The following POFUT3 variants were observed in gnomAD, a reference collection of about 807,000 sequenced individuals.
POFUT3 encodes the protein protein O-fucosyltransferase 3.
chr8:33,325,747 T>C, the POFUT3 span, among the ~76,000 whole-genome samples: 1 of 152,208 alleles, frequency 6.6e-6, no homozygotes, highest in Non-Finnish European at 1.5e-5. Context: ...GGATAGTGGA[T>C]GAGAATCTCC....
At chr8:33,426,194 C>T in the POFUT3 span, among the ~76,000 whole-genome samples, 1 of 152,156 alleles carries the variant, frequency 6.6e-6, no homozygotes, top group South Asian at 2.1e-4. Context: ...TGTGAGCCAC[C>T]ATGCCCAGCC....
the POFUT3 span, among the ~76,000 whole-genome samples, chr8:33,449,278 A>ATT: frequency 9.3e-5 from 5 of 53,758 alleles, no homozygotes; most frequent in Non-Finnish European, 1.6e-4. Context: ...ATCCGAGTTG[A>ATT]TTTTTTTTTT....
chr8:33,328,375 C>CAAAAACA, the POFUT3 span, among the ~76,000 whole-genome samples: 208 of 140,350 alleles, frequency 1.5e-3, 1 homozygote, highest in African/African-American at 5.4e-3. Flanking sequence ...AAAACAAAAA[C>CAAAAACA]AAAAACAAAA....
the POFUT3 span, among the ~76,000 whole-genome samples, chr8:33,382,021 A>G: frequency 6.6e-6 from 1 of 152,188 alleles, no homozygotes; most frequent in South Asian, 2.1e-4. Context: ...GGCTGGGCAT[A>G]GTGGCTAACA....
chr8:33,376,177 T>G, the POFUT3 span, among the ~76,000 whole-genome samples: 151 of 152,184 alleles, frequency 9.9e-4, no homozygotes, highest in African/African-American at 3.4e-3. Flanking sequence ...TGTAGAAATA[T>G]TTGATTCTTC....
chr8:33,375,133 C>T, the POFUT3 span, among the ~76,000 whole-genome samples: 2 of 151,854 alleles, frequency 1.3e-5, no homozygotes, highest in Non-Finnish European at 2.9e-5. Context: ...CTCAGGTGAT[C>T]CACCTGCCTC....
the POFUT3 span, among the ~76,000 whole-genome samples, chr8:33,403,101 A>G: frequency 6.6e-6 from 1 of 152,142 alleles, no homozygotes; most frequent in African/African-American, 2.4e-5. Context: ...TACTAATAAT[A>G]TATACTCAAT....
chr8:33,447,349 T>C, the POFUT3 span, among the ~76,000 whole-genome samples: 4 of 152,090 alleles, frequency 2.6e-5, no homozygotes, highest in Non-Finnish European at 1.5e-5. Flanking sequence ...CTCGAGAGGC[T>C]GAGGCAGGAG....
chr8:33,317,851 T>A, the POFUT3 span, among the ~76,000 whole-genome samples: 2 of 152,106 alleles, frequency 1.3e-5, no homozygotes, highest in African/African-American at 4.8e-5. Flanking sequence ...GAGTCTTCAT[T>A]TCCCCCATCA....
the POFUT3 span, among the ~76,000 whole-genome samples, chr8:33,406,689 C>A: frequency 6.6e-6 from 1 of 152,004 alleles, no homozygotes; most frequent in Non-Finnish European, 1.5e-5. Context: ...CCTCAGCCTC[C>A]CAAGTACCTG....
chr8:33,433,160 GGAGGCA>G, the POFUT3 span, among the ~76,000 whole-genome samples: 1 of 151,024 alleles, frequency 6.6e-6, no homozygotes, highest in Non-Finnish European at 1.5e-5. Context: ...CTTGAACCCA[GGAGGCA>G]GAGATTGCAG....
chr8:33,369,661 C>T, the POFUT3 span, among the ~76,000 whole-genome samples: 1 of 152,116 alleles, frequency 6.6e-6, no homozygotes, highest in Non-Finnish European at 1.5e-5. Context: ...CAGGTCGGCA[C>T]TGTGCTTGAA....
chr8:33,412,654 G>A, the POFUT3 span, among the ~76,000 whole-genome samples: 1 of 152,158 alleles, frequency 6.6e-6, no homozygotes, highest in Non-Finnish European at 1.5e-5. Flanking sequence ...TTGAGACAGA[G>A]TCTCACTCTG....
the POFUT3 span, among the ~76,000 whole-genome samples, chr8:33,404,036 G>A: frequency 3.3e-5 from 5 of 152,072 alleles, no homozygotes; most frequent in South Asian, 8.3e-4. Context: ...CACAACATGG[G>A]TAAGAAAATG....
At chr8:33,345,841 T>C in the POFUT3 span, among the ~76,000 whole-genome samples, 7 of 151,228 alleles carry the variant, frequency 4.6e-5, no homozygotes, top group African/African-American at 1.7e-4. Context: ...TTTTTTTTTT[T>C]TGAGATGGAG....
chr8:33,452,392 G>A, the POFUT3 span: 1 of 151,766 alleles, frequency 6.6e-6, no homozygotes, highest in Non-Finnish European at 1.5e-5. Context: ...TCTGTTATTG[G>A]ACCTTTAGGT....
the POFUT3 span, among the ~76,000 whole-genome samples, chr8:33,320,059 A>G: frequency 6.6e-6 from 1 of 151,820 alleles, no homozygotes; most frequent in Non-Finnish European, 1.5e-5. Flanking sequence ...TAGAAAGACT[A>G]TATTAAGAAA....
chr8:33,379,257 G>A, the POFUT3 span, among the ~76,000 whole-genome samples: 1 of 151,880 alleles, frequency 6.6e-6, no homozygotes, highest in Non-Finnish European at 1.5e-5. Context: ...TAAGCAGTGG[G>A]AAAATGGAGT....
the POFUT3 span, among the ~76,000 whole-genome samples, chr8:33,350,949 A>G: frequency 6.6e-6 from 1 of 152,182 alleles, no homozygotes; most frequent in South Asian, 2.1e-4. Context: ...TGTGTTTTAT[A>G]TAATTATAAT....
Sources: gnomAD v4.1 joint callset for allele counts (sites outside exome capture counted in the v4.1 genomes callset) on GRCh38, gnomAD v4.1.1 for gene constraint, MANE v1.5 for transcripts, NCBI Gene and HGNC (gene_info 2026-07-23, HGNC 2026-07-21) for gene names.